Variants in FNDC3B observed in about 807,000 individuals in gnomAD.
FNDC3B encodes the protein fibronectin type III domain-containing protein 3B.
In FNDC3B, 12 loss-of-function variants were observed where a neutral mutation model predicts 151.5. That is an observed-to-expected ratio of 0.08 (90% confidence interval 0.05 to 0.13). The LOEUF (loss-of-function observed/expected upper bound fraction) is 0.13. FNDC3B is among the 10% of genes least tolerant of loss of function. FNDC3B has a pLI of 1.00. For synonymous variants in FNDC3B, 528 were observed against 549.0 expected (o/e 0.96, Z 0.54); for missense variants, 1,214 against 1,505.3 (o/e 0.81, Z 3.20).
intron 3 of FNDC3B, among the ~76,000 whole-genome samples, chr3:172,211,609 G>A (rs1341706742): frequency 6.6e-6 from 1 of 152,190 alleles, no homozygotes; most frequent in East Asian, 1.9e-4. Flanking sequence ...GAAGAGGAGG[G>A]CTGATGGGAT....
Position 172,341,137 on chromosome 3 carries a change from G to A in FNDC3B, c.1877G>A (p.Ser626Asn), listed in dbSNP as rs778105090. The A allele has an allele frequency of 4.3e-6, 7 of 1,614,128 alleles. No homozygotes were observed. The Admixed American group carries it at 6.7e-5, about 15-fold the overall frequency. Residue 626 changes from serine (S) to asparagine (N), a missense_variant, in exon 17 of 26, where the codon AGT becomes AAT. Ser to Asn is a conservative substitution (Grantham distance 46, BLOSUM62 1). This residue lies in a region of FNDC3B where 380 missense variants were observed against 420.9 expected (regional missense o/e 0.90). Coordinates refer to ENST00000415807, the MANE Select transcript of FNDC3B (RefSeq NM_022763.4). ...GCGAATCAGTGGGAAGTGGCCTACA[G>A]TGGGTCGGCTACCGAATACACCTTC... is the stretch of plus-strand genomic sequence containing the variant. Reference protein sequence around the residue: ...SEANQWEVAYSGSATEYTFTH... With the variant: ...SEANQWEVAYNGSATEYTFTH...
chr3:172,134,304 T>C (rs1721254159), intron 3 of FNDC3B: 1 of 507,522 alleles, frequency 2.0e-6, no homozygotes, highest in Non-Finnish European at 3.9e-6. Context: ...TTGATCCATA[T>C]GGAGTTCTGT....
intron 3 of FNDC3B, among the ~76,000 whole-genome samples, chr3:172,165,349 C>T (rs775739958): frequency 6.6e-6 from 1 of 152,120 alleles, no homozygotes; most frequent in Non-Finnish European, 1.5e-5. Flanking sequence ...AAAAGCCTAC[C>T]CAAAAGTCAA....
intron 5 of FNDC3B, among the ~76,000 whole-genome samples, chr3:172,250,891 A>G (rs1403256939): frequency 6.6e-6 from 1 of 152,136 alleles, no homozygotes; most frequent in African/African-American, 2.4e-5. Flanking sequence ...ATCTCAGTTC[A>G]CTGCAACCTC....
intron 1 of FNDC3B, among the ~76,000 whole-genome samples, chr3:172,086,830 T>A (rs1282176632): frequency 6.6e-6 from 1 of 152,248 alleles, no homozygotes; most frequent in Admixed American, 6.5e-5. Context: ...GTTAAAGAAC[T>A]TCTAGCTCTT....
At chr3:172,337,571 C>T (rs1733050324) in intron 16 of FNDC3B, 170 bp downstream of exon 16, 2 of 532,976 alleles carry the variant, frequency 3.8e-6, no homozygotes, top group African/African-American at 3.9e-5. Flanking sequence ...TCAAACACAG[C>T]ACCAGAGATC....
chr3:172,119,169 TAAAAAAAAAA>T lies in FNDC3B; in HGVS notation c.111+6593_111+6602del, dbSNP rs555243695. ...TGGGTGACACAGTGAGACTCTGCCT[TAAAAAAAAAA>T]AAAAAAAAAAAAAGAATGAGAGGAT... On this transcript the variant is annotated intron_variant, in intron 2 of 25. Transcript: ENST00000415807. Among the ~76,000 whole-genome samples the T allele has an allele frequency of 1.1e-3, 114 of 102,166 alleles. 1 individual carries two copies. Among genetic ancestry groups the T allele is most frequent in the Non-Finnish European group, 2.2e-4 (11 of 50,834 alleles). 67.0% of individuals were successfully genotyped at this position (102,166 alleles called of 152,430 possible).
chr3:172,154,838 T>C (rs1722406523), intron 3 of FNDC3B, among the ~76,000 whole-genome samples: 2 of 152,168 alleles, frequency 1.3e-5, no homozygotes, highest in Admixed American at 6.5e-5. Context: ...TCTCCTGCTT[T>C]TGAGCCTTCG....
rs1026732472 is a variant in FNDC3B, at chr3:172,199,341, G to A, written c.188-27530G>A. Among the ~76,000 whole-genome samples the A allele has an allele frequency of 8.6e-5, 13 of 151,328 alleles. No homozygotes were observed. The South Asian group carries it at 1.0e-3, about 12-fold the overall frequency. ...ACTACAGGCGCCCGCCACCTCGCCT[G>A]GCTAATTTTTTGTATTTTTAGTAGA... On this transcript the variant is annotated intron_variant, in intron 3 of 25. Coordinates refer to ENST00000415807, the MANE Select transcript of FNDC3B (RefSeq NM_022763.4).
In FNDC3B at chr3:172,250,850, T is replaced by C. The variant is rs373782374; in HGVS notation, c.509-410T>C. Among the ~76,000 whole-genome samples the C allele has an allele frequency of 1.6e-4, 24 of 152,342 alleles. 1 individual carries two copies. Among genetic ancestry groups the C allele is most frequent in the African/African-American group, 5.8e-4 (24 of 41,572 alleles). ...TTTTCTTTTTGAGACAGAGTCTTGC[T>C]CTGTCGCTCAGGCTGGAGTGCAGTG... On this transcript the variant is annotated intron_variant, in intron 5 of 25. Transcript: ENST00000415807.
In FNDC3B at chr3:172,179,111, G is replaced by T. The variant is rs542541337; in HGVS notation, c.187+45565G>T. ...GAGTCTTGCTTTATTGCCCAGGCTG[G>T]AGTGCGGTGGTGCAATCTTAGCCCA... On this transcript the variant is annotated intron_variant, in intron 3 of 25. Coordinates refer to ENST00000415807, the MANE Select transcript of FNDC3B (RefSeq NM_022763.4). Among the ~76,000 whole-genome samples the T allele has an allele frequency of 2.6e-5, 4 of 152,222 alleles. No homozygotes were observed. The South Asian group carries it at 8.3e-4, about 32-fold the overall frequency.
chr3:172,120,571 G>A (rs562043903), intron 2 of FNDC3B, among the ~76,000 whole-genome samples: 2 of 151,900 alleles, frequency 1.3e-5, no homozygotes, highest in Non-Finnish European at 2.9e-5. Flanking sequence ...CAGGCATGGG[G>A]GGGGGTGTGT....
At chr3:172,109,360 G>A (rs1719845680) in intron 1 of FNDC3B, among the ~76,000 whole-genome samples, 1 of 151,946 alleles carries the variant, frequency 6.6e-6, no homozygotes, top group Non-Finnish European at 1.5e-5. Context: ...TAGAGACGGG[G>A]TTTCACCGTT....
At chr3:172,355,240 A>G (rs2108329365) in intron 22 of FNDC3B, among the ~76,000 whole-genome samples, 1 of 152,298 alleles carries the variant, frequency 6.6e-6, no homozygotes, top group Admixed American at 6.5e-5. Context: ...GCAAGATAAG[A>G]GGGTAATCGG....
chr3:172,346,784 A>G (rs1733636200), intron 20 of FNDC3B, among the ~76,000 whole-genome samples: 1 of 152,090 alleles, frequency 6.6e-6, no homozygotes, highest in African/African-American at 2.4e-5. Flanking sequence ...GCTCACTGCA[A>G]CCTCTGCCTC....
At chr3:172,101,126 T>A (rs1446816201) in intron 1 of FNDC3B, among the ~76,000 whole-genome samples, 1 of 152,150 alleles carries the variant, frequency 6.6e-6, no homozygotes, top group Non-Finnish European at 1.5e-5. Flanking sequence ...AAACAAAAAA[T>A]TTTAGTATCC....
intron 8 of FNDC3B, among the ~76,000 whole-genome samples, chr3:172,298,462 G>A (rs115204380): frequency 3.9e-5 from 6 of 152,186 alleles, no homozygotes; most frequent in Non-Finnish European, 7.4e-5. Flanking sequence ...GTATTTACTC[G>A]TAAGAAGTGA....
intron 1 of FNDC3B, among the ~76,000 whole-genome samples, chr3:172,081,939 G>C (rs551500284): frequency 2.6e-5 from 4 of 152,256 alleles, no homozygotes; most frequent in Middle Eastern, 3.4e-3. Flanking sequence ...GGGCACAATG[G>C]CTGAGTGAAA....
chr3:172,353,546 A>G (rs551755205), intron 22 of FNDC3B, among the ~76,000 whole-genome samples: 12 of 152,210 alleles, frequency 7.9e-5, no homozygotes, highest in Non-Finnish European at 1.8e-4. Context: ...TTCTAAAAAA[A>G]TATCTGGAGC....
Sources: allele counts gnomAD v4.1 joint callset (sites outside exome capture counted in the v4.1 genomes callset), GRCh38; gene constraint gnomAD v4.1.1; regional missense constraint gnomAD v4.1.1; transcripts MANE v1.5; gene names NCBI Gene and HGNC (gene_info 2026-07-23, HGNC 2026-07-21).